Variants in ATP2B2 observed in about 807,000 individuals in gnomAD.
ATP2B2 encodes the protein ATPase plasma membrane Ca2+ transporting 2.
In ATP2B2, 15 loss-of-function variants were observed where a neutral mutation model predicts 120.0. The ratio of observed to expected loss-of-function variants is 0.12; its 90% CI spans 0.08 to 0.19. The LOEUF (loss-of-function observed/expected upper bound fraction) is 0.19. ATP2B2 is among the 10% of genes least tolerant of loss of function. The probability of loss-of-function intolerance (pLI) is 1.00; values close to 1 mark genes in which losing one functional copy is unlikely to be tolerated. For synonymous variants in ATP2B2, 694 were observed against 700.3 expected (o/e 0.99, Z 0.14); for missense variants, 1,045 against 1,719.8 (o/e 0.61, Z 6.94).
chr3:10,446,585 C>A (rs975593692), intron 2 of ATP2B2, among the ~76,000 whole-genome samples: 1 of 152,194 alleles, frequency 6.6e-6, no homozygotes, highest in African/African-American at 2.4e-5. Context: ...GGGATTTGAA[C>A]CTGGGATGCC....
intron 1 of ATP2B2, among the ~76,000 whole-genome samples, chr3:10,502,739 C>A (rs995522673): frequency 6.6e-6 from 1 of 152,216 alleles, no homozygotes; most frequent in African/African-American, 2.4e-5. Flanking sequence ...CCGCCTTCAC[C>A]CATAGGAGAT....
intron 1 of ATP2B2, among the ~76,000 whole-genome samples, chr3:10,487,218 C>T (rs1428890728): frequency 6.6e-6 from 1 of 152,058 alleles, no homozygotes; most frequent in Non-Finnish European, 1.5e-5. Flanking sequence ...CTAGCACAGC[C>T]TCTCCCCACA....
intron 22 of ATP2B2, among the ~76,000 whole-genome samples, 172 bp downstream of exon 22, chr3:10,338,004 C>T (rs909104450): frequency 6.6e-6 from 1 of 152,174 alleles, no homozygotes; most frequent in African/African-American, 2.4e-5. Context: ...TGTTCCTTAG[C>T]AGCCACAGGA....
In ATP2B2 at chr3:10,342,705, A is replaced by C; in HGVS notation, c.2917+47T>G. 6.3e-7 allele frequency: 1 copy of C among 1,596,290 alleles called. No individual in the cohort carries two copies. The highest frequency in any genetic ancestry group is 1.7e-5 in the Admixed American group (1 of 59,902). ...GGGTGAGAGCCATGGTGCACCCAGA[A>C]GGTGATGACCCCGCCTGGGAGAGGC... is the stretch of plus-strand genomic sequence containing the variant. On this transcript the variant is annotated intron_variant, in intron 19 of 22. Coordinates refer to ENST00000360273, the MANE Select transcript of ATP2B2 (RefSeq NM_001001331.4). This position sits in a 1 kb window ranked among gnomAD's most constrained non-coding sequence, Gnocchi z 4.4.
intron 2 of ATP2B2, among the ~76,000 whole-genome samples, chr3:10,545,135 C>G (rs1370942840): frequency 6.6e-6 from 1 of 152,158 alleles, no homozygotes; most frequent in Non-Finnish European, 1.5e-5. Context: ...CGGAAAGAAG[C>G]GAGTCTCAGA....
chr3:10,496,334 GC>G (rs1209058977), intron 1 of ATP2B2, among the ~76,000 whole-genome samples: 1 of 152,172 alleles, frequency 6.6e-6, no homozygotes, highest in Non-Finnish European at 1.5e-5. Flanking sequence ...GCTCCCGGCT[GC>G]CCCTTCTTTG....
intron 12 of ATP2B2, among the ~76,000 whole-genome samples, chr3:10,366,196 G>C (rs1211226473): frequency 1.3e-5 from 2 of 152,136 alleles, no homozygotes; most frequent in Non-Finnish European, 2.9e-5. Flanking sequence ...TCGAGCCCTG[G>C]GTTTGGTCTC....
chr3:10,530,537 T>C (rs926429163), intron 3 of ATP2B2, among the ~76,000 whole-genome samples: 8 of 152,194 alleles, frequency 5.3e-5, no homozygotes, highest in Non-Finnish European at 1.2e-4. Flanking sequence ...TGCAACCTCT[T>C]TGTTCCCTTC....
intron 2 of ATP2B2, among the ~76,000 whole-genome samples, chr3:10,552,829 G>A (rs2067698280): frequency 6.6e-6 from 1 of 152,236 alleles, no homozygotes; most frequent in Non-Finnish European, 1.5e-5. Context: ...TGCAACTGCT[G>A]AGGCCACAGA....
chr3:10,391,550 C>A (rs1253520235), intron 5 of ATP2B2, among the ~76,000 whole-genome samples: 1 of 151,588 alleles, frequency 6.6e-6, no homozygotes. Flanking sequence ...AGGGAGCTGG[C>A]AGCTCTACAC....
chr3:10,586,080 T>A (rs567571808), intron 2 of ATP2B2, among the ~76,000 whole-genome samples: 2 of 152,314 alleles, frequency 1.3e-5, no homozygotes, highest in African/African-American at 4.8e-5. Flanking sequence ...TAGTGGTCAT[T>A]TTTATTAGTC....
chr3:10,482,137 T>C (rs911902997), intron 1 of ATP2B2, among the ~76,000 whole-genome samples: 1 of 152,218 alleles, frequency 6.6e-6, no homozygotes, highest in Admixed American at 6.5e-5. Flanking sequence ...CGGTAGGTGC[T>C]TAATGTCTAG....
intron 1 of ATP2B2, among the ~76,000 whole-genome samples, chr3:10,683,754 G>GTA (rs1429951670): frequency 6.8e-5 from 2 of 29,566 alleles, no homozygotes; most frequent in Non-Finnish European, 1.2e-4. Context: ...ATATATGTGT[G>GTA]TGTGTGTATA....
chr3:10,379,432 G>C lies in ATP2B2; in HGVS notation c.1001-148C>G, dbSNP rs900663382. The C allele has an allele frequency of 4.3e-5, 40 of 936,496 alleles. No homozygotes were observed. The African/African-American group carries it at 6.4e-4, about 15-fold the overall frequency. The allele number at this position is 936,496 out of a possible 1,614,324, so 58.0% of individuals were successfully genotyped here. A position where few individuals can be genotyped will look rare whatever the true frequency, so the allele number is the denominator to read the frequency against. ...CCCTCTGTGTGGGGATACGGGTTGG[G>C]GAGGGCCCTGAAGCAGGAGCAGGCC... is the stretch of plus-strand genomic sequence containing the variant. On this transcript the variant is annotated intron_variant, in intron 8 of 22. Coordinates refer to ENST00000360273, the MANE Select transcript of ATP2B2 (RefSeq NM_001001331.4).
In ATP2B2 at chr3:10,584,840, G is replaced by C. The variant is rs73811933; in HGVS notation, c.-415+35077C>G. Among the ~76,000 whole-genome samples, 611 of 152,224 alleles carry C rather than the reference G, an allele frequency of 4.0e-3. 4 individuals are homozygous for C. Among genetic ancestry groups the C allele is most frequent in the African/African-American group, 0.014 (572 of 41,528 alleles). ...TCCCAAGCATAACACAATTTCACCT[G>C]GTTTAGCCTTTTCTTCCTCTGGGTT... On this transcript the variant is annotated intron_variant, in intron 2 of 21. Coordinates refer to the ATP2B2 transcript ENST00000646379.
At chr3:10,690,800 A>T (rs1000548498) in intron 1 of ATP2B2, among the ~76,000 whole-genome samples, 1 of 152,224 alleles carries the variant, frequency 6.6e-6, no homozygotes, top group Non-Finnish European at 1.5e-5. Context: ...TATGAATTAT[A>T]TGAATTATAT....
At chr3:10,552,861 AT>A (rs2067698844) in intron 2 of ATP2B2, among the ~76,000 whole-genome samples, 1 of 152,232 alleles carries the variant, frequency 6.6e-6, no homozygotes, top group Non-Finnish European at 1.5e-5. Context: ...AGAAACACTC[AT>A]TTTAGGCAGC....
intron 1 of ATP2B2, among the ~76,000 whole-genome samples, chr3:10,493,370 A>G (rs2066008634): frequency 6.6e-6 from 1 of 152,110 alleles, no homozygotes; most frequent in Non-Finnish European, 1.5e-5. Flanking sequence ...TAGATGGGGA[A>G]ATAGCATGTG....
intron 1 of ATP2B2, among the ~76,000 whole-genome samples, chr3:10,471,757 A>G (rs2065013716): frequency 6.6e-6 from 1 of 152,148 alleles, no homozygotes; most frequent in Admixed American, 6.5e-5. Context: ...TCCCCCATAA[A>G]TGTATACAAT....
Sources: gnomAD v4.1 joint callset for allele counts (sites outside exome capture counted in the v4.1 genomes callset) on GRCh38, gnomAD v4.1.1 for gene constraint, Gnocchi (gnomAD v3.1) non-coding constraint, MANE v1.5 for transcripts, NCBI Gene and HGNC (gene_info 2026-07-23, HGNC 2026-07-21) for gene names.